Variants in HECW2 observed in about 807,000 individuals in gnomAD.
The protein encoded by HECW2 is E3 ubiquitin-protein ligase HECW2.
In HECW2, 61 loss-of-function variants were observed where a neutral mutation model predicts 175.2. That is an observed-to-expected ratio of 0.35 (90% CI 0.28 to 0.43). The LOEUF is 0.43. Among genes scored for constraint, HECW2 ranks in the 20% least tolerant of loss-of-function variants. The pLI, the probability that HECW2 is intolerant of heterozygous loss-of-function variation, is 1.00. For synonymous variants in HECW2, 671 were observed against 731.0 expected (o/e 0.92, Z 1.32); for missense variants, 1,524 against 2,000.5 (o/e 0.76, Z 4.54).
intron 24 of HECW2, 52 bp from the exon 25 acceptor site, chr2:196,220,993 T>G (rs1559444533): frequency 6.3e-7 from 1 of 1,582,166 alleles, no homozygotes; most frequent in South Asian, 1.1e-5. Flanking sequence ...CTTAATGTTA[T>G]AACAACATTA....
At chr2:196,320,034 A>G (rs1691881841) in intron 8 of HECW2, 130 bp from the exon 9 acceptor site, 7 of 913,384 alleles carry the variant, frequency 7.7e-6, no homozygotes, top group Non-Finnish European at 1.1e-5. Flanking sequence ...TGACTTGCTA[A>G]GATTCACCAC....
intron 1 of HECW2, among the ~76,000 whole-genome samples, chr2:196,534,841 A>G (rs1450742743): frequency 6.6e-5 from 10 of 152,166 alleles, no homozygotes; most frequent in African/African-American, 2.4e-4. Context: ...TGAGCGGGAT[A>G]GGGTAGACAT....
At chr2:196,559,767 A>G (rs2125497563) in intron 1 of HECW2, among the ~76,000 whole-genome samples, 1 of 152,342 alleles carries the variant, frequency 6.6e-6, no homozygotes, top group Admixed American at 6.5e-5. Flanking sequence ...GACTACAAAA[A>G]TCATTTTTTG....
intron 2 of HECW2, among the ~76,000 whole-genome samples, chr2:196,407,745 A>ATC (rs1695002727): frequency 6.6e-6 from 1 of 152,218 alleles, no homozygotes; most frequent in Non-Finnish European, 1.5e-5. Context: ...CTGCACTTAG[A>ATC]AGACTATACT....
chr2:196,268,232 T>G (rs748932881), intron 17 of HECW2, among the ~76,000 whole-genome samples: 10 of 151,396 alleles, frequency 6.6e-5, no homozygotes, highest in Non-Finnish European at 1.0e-4. Flanking sequence ...ATAGGAGGAG[T>G]GGTATTATCT....
intron 19 of HECW2, among the ~76,000 whole-genome samples, chr2:196,250,186 C>T (rs1051026301): frequency 6.6e-6 from 1 of 152,218 alleles, no homozygotes; most frequent in Non-Finnish European, 1.5e-5. Flanking sequence ...ATCCACATGG[C>T]TTCATGTCTT....
Position 196,251,056 on chromosome 2 carries a change from TTG to T in HECW2, c.3529+2862_3529+2863del, listed in dbSNP as rs1203495605. Among the ~76,000 whole-genome samples the T allele has an allele frequency of 4.6e-5, 7 of 152,258 alleles. No homozygotes were observed. In the South Asian group the frequency reaches 1.0e-3, roughly 23 times the overall value. Reference sequence around the variant, plus strand: ...TCCTTCTTGATGCCCTATCCCCCTTTTGAGACAGGGTCTCACTCTGTTGCCCA... The same window carrying T: ...TCCTTCTTGATGCCCTATCCCCCTTTAGACAGGGTCTCACTCTGTTGCCCA... On this transcript the variant is annotated intron_variant, in intron 19 of 28. Transcript: ENST00000644978.
At chr2:196,357,339 C>T (rs925262236) in intron 2 of HECW2, among the ~76,000 whole-genome samples, 12 of 149,198 alleles carry the variant, frequency 8.0e-5, no homozygotes, top group South Asian at 2.1e-4. Context: ...GGCGGGGGGG[C>T]GGCACTCATC....
At chr2:196,440,912 A>ATGT (rs1696022015) in intron 1 of HECW2, among the ~76,000 whole-genome samples, 1 of 152,130 alleles carries the variant, frequency 6.6e-6, no homozygotes, top group Admixed American at 6.6e-5. Flanking sequence ...TTAAAAAATT[A>ATGT]AAAAAAACCC....
intron 1 of HECW2, among the ~76,000 whole-genome samples, chr2:196,449,472 T>G (rs1453801822): frequency 6.6e-6 from 1 of 152,226 alleles, no homozygotes; most frequent in East Asian, 1.9e-4. Flanking sequence ...TATATGACCA[T>G]AAGTAAAATT....
chr2:196,390,517 C>T (rs950815528), intron 2 of HECW2, among the ~76,000 whole-genome samples: 1 of 152,082 alleles, frequency 6.6e-6, no homozygotes, highest in Non-Finnish European at 1.5e-5. Flanking sequence ...CTAGGTGACC[C>T]TAGGTAGCTT....
intron 18 of HECW2, among the ~76,000 whole-genome samples, chr2:196,256,532 T>C (rs1359948056): frequency 6.6e-6 from 1 of 152,236 alleles, no homozygotes; most frequent in Admixed American, 6.5e-5. Context: ...TAACTATGGA[T>C]AGGTGAATGA....
intron 1 of HECW2, among the ~76,000 whole-genome samples, chr2:196,563,341 G>A (rs1690070846): frequency 6.6e-6 from 1 of 152,108 alleles, no homozygotes; most frequent in African/African-American, 2.4e-5. Context: ...CGAGGCAGGT[G>A]GATCACTTGA....
intron 28 of HECW2, among the ~76,000 whole-genome samples, chr2:196,202,186 A>T (rs1039805994): frequency 6.6e-6 from 1 of 152,208 alleles, no homozygotes; most frequent in Non-Finnish European, 1.5e-5. Flanking sequence ...CTGAATGTAC[A>T]ACAGCTTGTT....
chr2:196,320,962 G>A (rs567660157), intron 7 of HECW2, among the ~76,000 whole-genome samples: 5 of 152,330 alleles, frequency 3.3e-5, no homozygotes, highest in South Asian at 4.1e-4. Context: ...TGGGACTTAG[G>A]GGAGAGAAGC....
At chr2:196,391,883 T>C (rs1220554338) in intron 2 of HECW2, among the ~76,000 whole-genome samples, 3 of 152,214 alleles carry the variant, frequency 2.0e-5, no homozygotes, top group South Asian at 2.1e-4. Context: ...CCTTGGTTTG[T>C]AGCTGAATCT....
At chr2:196,428,497 C>T (rs1245617055) in intron 2 of HECW2, among the ~76,000 whole-genome samples, 2 of 152,122 alleles carry the variant, frequency 1.3e-5, no homozygotes, top group African/African-American at 2.4e-5. Flanking sequence ...CTTTCACTTC[C>T]TCTCCAAATG....
chr2:196,493,253 T>C (rs979350048), intron 1 of HECW2: 1 of 152,114 alleles, frequency 6.6e-6, no homozygotes, highest in Non-Finnish European at 1.5e-5. Flanking sequence ...CCTGTAGTCC[T>C]AGCTATGAGG....
chr2:196,232,036 C>T (rs1415969029), intron 21 of HECW2, among the ~76,000 whole-genome samples: 1 of 152,014 alleles, frequency 6.6e-6, no homozygotes, highest in Non-Finnish European at 1.5e-5. Flanking sequence ...GTGTACGCAA[C>T]CTCAAGGAGT....
Sources: gnomAD v4.1 joint callset for allele counts (sites outside exome capture counted in the v4.1 genomes callset) on GRCh38, gnomAD v4.1.1 for gene constraint, MANE v1.5 for transcripts, NCBI Gene and HGNC (gene_info 2026-07-23, HGNC 2026-07-21) for gene names.